Variants in SLC19A2 observed in about 807,000 individuals in gnomAD.
The protein encoded by SLC19A2 is solute carrier family 19 member 2.
A neutral mutation model predicts 44.7 loss-of-function variants in SLC19A2; 27 were observed. The ratio of observed to expected loss-of-function variants is 0.60; its 90% CI spans 0.45 to 0.83. The LOEUF (loss-of-function observed/expected upper bound fraction) is 0.83, where lower values mean the gene tolerates loss of function less well. SLC19A2 is among the 40% of genes least tolerant of loss of function. The pLI, the probability that SLC19A2 is intolerant of heterozygous loss-of-function variation, is 0.00. For synonymous variants in SLC19A2, 239 were observed against 243.6 expected (o/e 0.98, Z 0.18); for missense variants, 566 against 613.7 (o/e 0.92, Z 0.82).
chr1:169,485,864 T>C lies in SLC19A2; in HGVS notation c.-98A>G. 4.5e-6 allele frequency: 6 copies of C among 1,348,000 alleles called. No homozygotes were observed. Among genetic ancestry groups the C allele is most frequent in the Non-Finnish European group, 5.9e-6 (6 of 1,009,912 alleles). 83.5% of individuals were successfully genotyped at this position (1,348,000 alleles called of 1,614,324 possible). On this transcript the variant is annotated 5_prime_UTR_variant, in exon 1 of 6. Transcript: ENST00000236137. ...GCACTTGTAACCGCGAGTGACGCCT[T>C]CTCCCTGTAAGGCCAGGACGTTCTG...
chr1:169,481,153 C>T (rs1364190104), intron 1 of SLC19A2, among the ~76,000 whole-genome samples: 3 of 152,234 alleles, frequency 2.0e-5, no homozygotes, highest in Non-Finnish European at 4.4e-5. Context: ...CAAACCTCTA[C>T]TGCTGTGTTA....
rs1658278547 is a variant in SLC19A2, at chr1:169,475,212, T to C, written c.807+1943A>G. On this transcript the variant is annotated intron_variant, in intron 2 of 5. Coordinates refer to ENST00000236137, the MANE Select transcript of SLC19A2 (RefSeq NM_006996.3). ...TCTATAAACAAGTATTTCAAGTTGATCTAGAACAGTTTTTAAAACTATAGG... is the reference window on the plus strand; with the variant it reads ...TCTATAAACAAGTATTTCAAGTTGACCTAGAACAGTTTTTAAAACTATAGG... Among the ~76,000 whole-genome samples, 3 of 152,280 alleles carry C rather than the reference T, an allele frequency of 2.0e-5. No individual in the cohort carries two copies. In the South Asian group the frequency reaches 6.2e-4, roughly 32 times the overall value.
Position 169,477,512 on chromosome 1 carries a change from G to A in SLC19A2, c.450C>T (p.Asp150=). ...AYYSYIYSVV[D]LGMYQKVTSY... ...TTGTGACTTTCTGGTACATGCCCAG[G>A]TCCACCACACTGTAGATATAAGAGT... Residue 150 remains aspartate (D), a synonymous_variant, in exon 2 of 6, where the codon GAC becomes GAT. Coordinates refer to ENST00000236137, the MANE Select transcript of SLC19A2 (RefSeq NM_006996.3). 3.1e-6 allele frequency: 5 copies of A among 1,614,136 alleles called. No individual in the cohort carries two copies. Among genetic ancestry groups the A allele is most frequent in the Non-Finnish European group, 4.2e-6 (5 of 1,180,010 alleles).
At chr1:169,479,164 C>G (rs915519947) in intron 1 of SLC19A2, among the ~76,000 whole-genome samples, 3 of 152,134 alleles carry the variant, frequency 2.0e-5, no homozygotes, top group East Asian at 1.9e-4. Context: ...GAGCCTTTAT[C>G]CTACTGTTTC....
At position 169,485,623 on chromosome 1, in the gene SLC19A2, C is replaced by T. The variant is rs1333246224; in HGVS notation, c.144G>A (p.Pro48=). Residue 48 remains proline, a synonymous_variant, in exon 1 of 6, where the codon CCG becomes CCA. Transcript: ENST00000236137. ...CAYGFFASLR[P]SEPFLTPYLL... Reference sequence around the variant, plus strand: ...GGTACGGGGTCAGGAAGGGCTCGGACGGCCTGAGGCTGGCGAAGAAGCCGT... The same window carrying T: ...GGTACGGGGTCAGGAAGGGCTCGGATGGCCTGAGGCTGGCGAAGAAGCCGT... 2.0e-5 allele frequency: 32 copies of T among 1,569,630 alleles called. No individual in the cohort carries two copies. Among genetic ancestry groups the T allele is most frequent in the Non-Finnish European group, 2.7e-5 (31 of 1,157,534 alleles).
intron 3 of SLC19A2, 48 bp downstream of exon 3, chr1:169,469,916 G>A: frequency 6.5e-7 from 1 of 1,539,328 alleles, no homozygotes; most frequent in Non-Finnish European, 9.0e-7. Flanking sequence ...TTAACTACCA[G>A]AGGAATCCCT....
chr1:169,478,523 A>ATTTT (rs35141285), intron 1 of SLC19A2, among the ~76,000 whole-genome samples: 5 of 66,636 alleles, frequency 7.5e-5, no homozygotes, highest in Non-Finnish European at 1.0e-4. Flanking sequence ...CAACCAGCTA[A>ATTTT]TTTTTTTTTT....
chr1:169,468,838 T>A lies in SLC19A2; in HGVS notation c.1031-2A>T, dbSNP rs1200769148. 1 of 1,613,444 alleles carries A rather than the reference T, an allele frequency of 6.2e-7. No individual in the cohort carries two copies. The highest frequency in any genetic ancestry group is 2.2e-5 in the East Asian group (1 of 44,856). Reference sequence around the variant, plus strand: ...CAACTGCAAACACAGCAACAGCACCTACAGAACAAACAAAAAAAATCCAAT... The same window carrying A: ...CAACTGCAAACACAGCAACAGCACCAACAGAACAAACAAAAAAAATCCAAT... On this transcript the variant is annotated splice_acceptor_variant, in intron 3 of 5. Transcript: ENST00000236137. LOFTEE classifies it high-confidence loss of function.
At chr1:169,474,435 G>A (rs1490735541) in intron 2 of SLC19A2, among the ~76,000 whole-genome samples, 2 of 152,052 alleles carry the variant, frequency 1.3e-5, no homozygotes, top group Non-Finnish European at 2.9e-5. Flanking sequence ...TCACCAATCA[G>A]CCAACTACAT....
Position 169,485,851 on chromosome 1 carries a change from G to C in SLC19A2, c.-85C>G. ...GAGTGAGGGTCAGGCACTTGTAACC[G>C]CGAGTGACGCCTTCTCCCTGTAAGG... On this transcript the variant is annotated 5_prime_UTR_variant, in exon 1 of 6. Transcript: ENST00000236137. 3 of 1,386,536 alleles carry C rather than the reference G, an allele frequency of 2.2e-6. No individual in the cohort carries two copies. Among genetic ancestry groups the C allele is most frequent in the Non-Finnish European group, 1.9e-6 (2 of 1,043,258 alleles). 85.9% of individuals were successfully genotyped at this position (1,386,536 alleles called of 1,614,324 possible). A position where few individuals can be genotyped will look rare whatever the true frequency, so the allele number is the denominator to read the frequency against.
At chr1:169,485,333 G>A (rs1034894350) in intron 1 of SLC19A2, among the ~76,000 whole-genome samples, 7 of 152,202 alleles carry the variant, frequency 4.6e-5, no homozygotes, top group Non-Finnish European at 7.3e-5. Context: ...CACAAGGCAC[G>A]GGGCCTCTGG....
In SLC19A2 at chr1:169,485,860, G is replaced by A; in HGVS notation, c.-94C>T. 7.4e-7 allele frequency: 1 copy of A among 1,356,366 alleles called. No individual in the cohort carries two copies. 84.0% of individuals were successfully genotyped at this position (1,356,366 alleles called of 1,614,324 possible). ...TCAGGCACTTGTAACCGCGAGTGAC[G>A]CCTTCTCCCTGTAAGGCCAGGACGT... On this transcript the variant is annotated 5_prime_UTR_variant, in exon 1 of 6. Coordinates refer to ENST00000236137, the MANE Select transcript of SLC19A2 (RefSeq NM_006996.3).
intron 1 of SLC19A2, 71 bp downstream of exon 1, chr1:169,485,492 C>G: frequency 6.6e-7 from 1 of 1,510,838 alleles, no homozygotes; most frequent in East Asian, 2.5e-5. Context: ...TTTCTCGGTC[C>G]TCTCTTCCTC....
chr1:169,473,081 A>G (rs975029064), intron 2 of SLC19A2, among the ~76,000 whole-genome samples: 2 of 152,196 alleles, frequency 1.3e-5, no homozygotes, highest in African/African-American at 2.4e-5. Flanking sequence ...TTTACTTATC[A>G]TAACGGGCAT....
chr1:169,483,780 G>A (rs976742409), intron 1 of SLC19A2, among the ~76,000 whole-genome samples: 6 of 152,114 alleles, frequency 3.9e-5, no homozygotes, highest in Non-Finnish European at 8.8e-5. Flanking sequence ...TTCACTATCC[G>A]GAAAGGCGCA....
At chr1:169,470,236 T>C in intron 2 of SLC19A2, 50 bp from the exon 3 acceptor site, 5 of 1,522,716 alleles carry the variant, frequency 3.3e-6, no homozygotes, top group Non-Finnish European at 4.5e-6. Flanking sequence ...GGCAATTATA[T>C]AGAAAGCAAT....
intron 1 of SLC19A2, among the ~76,000 whole-genome samples, chr1:169,478,080 T>C (rs1210875468): frequency 6.6e-6 from 1 of 152,066 alleles, no homozygotes; most frequent in Non-Finnish European, 1.5e-5. Context: ...CTAATTTTTG[T>C]ATTTTTAGTA....
chr1:169,471,318 T>C (rs1160535340), intron 2 of SLC19A2, among the ~76,000 whole-genome samples: 2 of 152,068 alleles, frequency 1.3e-5, no homozygotes, highest in Non-Finnish European at 2.9e-5. Flanking sequence ...TATAGCTTTC[T>C]GTAACATTTA....
intron 1 of SLC19A2, among the ~76,000 whole-genome samples, 167 bp from the exon 2 acceptor site, chr1:169,477,924 T>G (rs1478994308): frequency 6.6e-6 from 1 of 152,212 alleles, no homozygotes; most frequent in African/African-American, 2.4e-5. Context: ...TCTTTTTTGT[T>G]TGAGATGGAG....
Sources: allele counts gnomAD v4.1 joint callset (sites outside exome capture counted in the v4.1 genomes callset), GRCh38; gene constraint gnomAD v4.1.1; transcripts MANE v1.5; gene names NCBI Gene and HGNC (gene_info 2026-07-23, HGNC 2026-07-21).